C19orf18: variants seen among roughly 807,000 people sequenced by gnomAD.
C19orf18 encodes the protein chromosome 19 open reading frame 18.
C19orf18 carries 21 observed loss-of-function variants against 23.3 expected under a neutral mutation model. The observed-to-expected ratio is 0.90, with a 90% confidence interval of 0.64 to 1.30. The LOEUF (loss-of-function observed/expected upper bound fraction) is 1.30, where lower values mean the gene tolerates loss of function less well. Among genes scored for constraint, C19orf18 ranks in the 50% most tolerant of loss-of-function variants. The pLI, the probability that C19orf18 is intolerant of heterozygous loss-of-function variation, is 0.00. For missense variants in C19orf18, 249 were observed against 259.6 expected (o/e 0.96, Z 0.28); for synonymous variants, 96 against 95.2 (o/e 1.01, Z -0.05).
chr19:57,974,354 CA>C lies in C19orf18; in HGVS notation c.78del (p.Tyr26Ter). The C allele has an allele frequency of 3.7e-6, 6 of 1,614,108 alleles. No individual in the cohort carries two copies. Among genetic ancestry groups the C allele is most frequent in the Non-Finnish European group, 5.1e-6 (6 of 1,180,012 alleles). On this transcript the variant is annotated frameshift_variant, in exon 1 of 6. Transcript: ENST00000314391. LOFTEE classifies it high-confidence loss of function. Reference protein sequence around the residue: ...MECQLHLCLPYADGLHPTGNI... With the variant: ...MECQLHLCLPXADGLHPTGNI... ...TTTCCAGTGGGATGGAGTCCATCTG[CA>C]TACGGCAAGCATAAATGAAGTTGGC...
At chr19:57,967,559 C>T (rs1368708171) in intron 3 of C19orf18, among the ~76,000 whole-genome samples, 1 of 152,082 alleles carries the variant, frequency 6.6e-6, no homozygotes, top group Admixed American at 6.6e-5. Context: ...TCAAGACCAG[C>T]CTGGGCAACA....
Position 57,972,180 on chromosome 19 carries a change from C to T in C19orf18, c.268+283G>A, listed in dbSNP as rs565841766. 9.2e-5 allele frequency among the ~76,000 whole-genome samples: 14 copies of T among 152,314 alleles called. No individual in the cohort carries two copies. In the South Asian group the frequency reaches 2.7e-3, roughly 29 times the overall value. The stretch of plus-strand genomic sequence containing the variant: ...TTGCTAGAAAGGCTGCTGACAGGGC[C>T]GCTGTGTGTGCCCATGCATTTTGTG... On this transcript the variant is annotated intron_variant, in intron 3 of 5. Coordinates refer to ENST00000314391, the MANE Select transcript of C19orf18 (RefSeq NM_152474.5).
intron 5 of C19orf18, among the ~76,000 whole-genome samples, chr19:57,960,228 C>T (rs2072857609): frequency 1.3e-5 from 2 of 151,958 alleles, no homozygotes; most frequent in East Asian, 3.9e-4. Flanking sequence ...AGATCGAGAC[C>T]ATCCTGGCTA....
At chr19:57,969,165 T>C (rs1349432329) in intron 3 of C19orf18, among the ~76,000 whole-genome samples, 1 of 152,104 alleles carries the variant, frequency 6.6e-6, no homozygotes, top group Admixed American at 6.6e-5. Context: ...TCTATAAGTA[T>C]AAACTTTTTC....
intron 4 of C19orf18, among the ~76,000 whole-genome samples, chr19:57,963,424 C>T (rs2072886888): frequency 6.6e-6 from 1 of 152,068 alleles, no homozygotes; most frequent in Non-Finnish European, 1.5e-5. Context: ...AGGATCCAAA[C>T]AGTGCTGTGC....
rs577424981 is a variant in C19orf18 at position 57,969,829 on chromosome 19, A to T, written c.268+2634T>A. 3.3e-5 allele frequency among the ~76,000 whole-genome samples: 5 copies of T among 150,052 alleles called. No individual in the cohort carries two copies. In the South Asian group the frequency reaches 1.1e-3, roughly 32 times the overall value. ...GCTGAGGCAGGAGAGCTGAGATCGC[A>T]TCATTACACTCCAGGCTGGGCGACA... On this transcript the variant is annotated intron_variant, in intron 3 of 5. Transcript: ENST00000314391.
intron 5 of C19orf18, among the ~76,000 whole-genome samples, chr19:57,960,907 C>A (rs1024101397): frequency 6.6e-6 from 1 of 152,090 alleles, no homozygotes; most frequent in Non-Finnish European, 1.5e-5. Flanking sequence ...AGGCCAGGCG[C>A]GGTGGCTCAC....
At chr19:57,960,604 C>T (rs2072862186) in intron 5 of C19orf18, among the ~76,000 whole-genome samples, 2 of 152,184 alleles carry the variant, frequency 1.3e-5, no homozygotes, top group South Asian at 2.1e-4. Context: ...CAGATGGAGA[C>T]AGATGGTGCA....
intron 4 of C19orf18, among the ~76,000 whole-genome samples, chr19:57,963,759 G>A (rs986320189): frequency 2.6e-5 from 4 of 151,952 alleles, no homozygotes; most frequent in Non-Finnish European, 4.4e-5. Context: ...GCGTGGTGGC[G>A]GGTGCCTGTA....
rs751640207 is a variant in C19orf18, at chr19:57,961,484, A to AT, written c.438dup (p.Leu147IlefsTer4). The stretch of plus-strand genomic sequence containing the variant: ...TCTGAGCCCTCTTCTTCATCTCCTA[A>AT]TAACGGTATCCTGAGGTTCTTATAA... On this transcript the variant is annotated frameshift_variant, in exon 5 of 6. Coordinates refer to ENST00000314391, the MANE Select transcript of C19orf18 (RefSeq NM_152474.5). LOFTEE classifies it high-confidence loss of function. The AT allele has an allele frequency of 8.7e-6, 14 of 1,614,134 alleles. No homozygotes were observed. The highest frequency in any genetic ancestry group is 6.6e-5 in the South Asian group (6 of 91,084).
At chr19:57,962,997 G>A (rs1051755813) in intron 4 of C19orf18, among the ~76,000 whole-genome samples, 6 of 151,306 alleles carry the variant, frequency 4.0e-5, no homozygotes, top group African/African-American at 1.2e-4. Context: ...CCCAAACAGT[G>A]AAAAATGAAG....
intron 3 of C19orf18, 133 bp downstream of exon 3, chr19:57,972,330 C>G (rs1031442136): frequency 1.9e-6 from 2 of 1,070,728 alleles, no homozygotes; most frequent in African/African-American, 3.2e-5. Context: ...AGAGGGGGCA[C>G]CTTGTCTAAC....
chr19:57,965,062 G>T (rs1016174354), intron 4 of C19orf18, among the ~76,000 whole-genome samples: 1 of 152,110 alleles, frequency 6.6e-6, no homozygotes, highest in Admixed American at 6.6e-5. Context: ...GAGAGTGGTC[G>T]CTCTTTTCTG....
intron 3 of C19orf18, among the ~76,000 whole-genome samples, chr19:57,967,236 C>A (rs1568567675): frequency 6.6e-6 from 1 of 152,046 alleles, no homozygotes; most frequent in Non-Finnish European, 1.5e-5. Context: ...TAACTGTAGA[C>A]CATGAATTTT....
At chr19:57,968,753 C>T (rs11670148) in intron 3 of C19orf18, among the ~76,000 whole-genome samples, 40,617 of 151,942 alleles carry the variant, frequency 0.27, 5,920 homozygotes, top group African/African-American at 0.39. Flanking sequence ...ATTCCTGATG[C>T]TCTGGCATTT....
chr19:57,961,485 T>C lies in C19orf18; in HGVS notation c.438A>G (p.Leu146=), dbSNP rs771716650. ...CTGAGCCCTCTTCTTCATCTCCTAA[T>C]AACGGTATCCTGAGGTTCTTATAAA... ...ESLYKNLRIP[L]LGDEEEGSED... is the part of the protein sequence containing the mutation. Residue 146 remains leucine (L), a synonymous_variant, in exon 5 of 6, where the codon TTA becomes TTG. Coordinates refer to ENST00000314391, the MANE Select transcript of C19orf18 (RefSeq NM_152474.5). 1.2e-6 allele frequency: 2 copies of C among 1,614,176 alleles called. No homozygotes were observed. Among genetic ancestry groups the C allele is most frequent in the Non-Finnish European group, 1.7e-6 (2 of 1,180,024 alleles).
chr19:57,966,699 T>C (rs2072910842), intron 3 of C19orf18, 67 bp from the exon 4 acceptor site: 1 of 1,082,232 alleles, frequency 9.2e-7, no homozygotes, highest in Non-Finnish European at 1.4e-6. Context: ...TCAGTTAATA[T>C]ATTTGTCCTT....
chr19:57,973,178 A>C (rs1423635010), intron 2 of C19orf18, among the ~76,000 whole-genome samples: 1 of 146,846 alleles, frequency 6.8e-6, no homozygotes, highest in Admixed American at 6.9e-5. Flanking sequence ...AAAAAAAAAA[A>C]AAAAAAAGGA....
intron 3 of C19orf18, among the ~76,000 whole-genome samples, chr19:57,967,966 C>T (rs978277376): frequency 2.6e-5 from 4 of 151,886 alleles, no homozygotes; most frequent in South Asian, 2.1e-4. Context: ...GAGCCGAGAT[C>T]GTGCCACTGC....
Sources: gnomAD v4.1 joint callset for allele counts (sites outside exome capture counted in the v4.1 genomes callset) on GRCh38, gnomAD v4.1.1 for gene constraint, MANE v1.5 for transcripts, NCBI Gene and HGNC (gene_info 2026-07-23, HGNC 2026-07-21) for gene names.